Variants in ZNF804B observed in about 807,000 individuals in gnomAD.
The protein encoded by ZNF804B is zinc finger 804B.
ZNF804B carries 80 observed loss-of-function variants against 101.4 expected under a neutral mutation model. The observed-to-expected ratio is 0.79, with a 90% confidence interval of 0.66 to 0.95. ZNF804B has a LOEUF of 0.95. Among genes scored for constraint, ZNF804B ranks in the 40% least tolerant of loss-of-function variants. ZNF804B has a pLI of 0.00. For missense variants in ZNF804B, 1,673 were observed against 1,561.9 expected, an observed-to-expected ratio of 1.07 and a Z score of -1.20; for synonymous variants, 622 against 558.8, an observed-to-expected ratio of 1.11 and a Z score of -1.59.
intron 1 of ZNF804B, among the ~76,000 whole-genome samples, chr7:89,018,476 G>GTTT (rs71120051): frequency 7.3e-5 from 11 of 151,628 alleles, no homozygotes; most frequent in African/African-American, 2.7e-4. Flanking sequence ...TTTTTATGGA[G>GTTT]TTTTTTTGTA....
At chr7:89,013,321 A>C (rs1240226064) in intron 1 of ZNF804B, among the ~76,000 whole-genome samples, 1 of 105,786 alleles carries the variant, frequency 9.5e-6, no homozygotes. Flanking sequence ...AGTACTCACT[A>C]TAAAAAAAAA....
chr7:89,301,186 C>G (rs1790468684), intron 2 of ZNF804B, among the ~76,000 whole-genome samples: 1 of 144,394 alleles, frequency 6.9e-6, no homozygotes, highest in African/African-American at 2.5e-5. Flanking sequence ...TGATAGATAC[C>G]TTAAACTTAC....
At chr7:88,823,387 C>T (rs1291167266) in intron 1 of ZNF804B, among the ~76,000 whole-genome samples, 2 of 152,070 alleles carry the variant, frequency 1.3e-5, no homozygotes, top group African/African-American at 2.4e-5. Flanking sequence ...CCTGAGAATG[C>T]AAGAATATGA....
intron 1 of ZNF804B, among the ~76,000 whole-genome samples, chr7:88,941,833 G>A (rs531211177): frequency 6.6e-6 from 1 of 151,966 alleles, no homozygotes; most frequent in African/African-American, 2.4e-5. Flanking sequence ...TCTTTGATGT[G>A]GCTTTTTGTG....
intron 1 of ZNF804B, among the ~76,000 whole-genome samples, chr7:89,082,668 A>G (rs1789712890): frequency 6.6e-6 from 1 of 151,756 alleles, no homozygotes; most frequent in Middle Eastern, 3.2e-3. Flanking sequence ...AAATCTTACC[A>G]TTATTCTCCT....
chr7:89,135,798 A>G (rs748629304), intron 1 of ZNF804B, among the ~76,000 whole-genome samples: 4 of 149,898 alleles, frequency 2.7e-5, no homozygotes, highest in Non-Finnish European at 5.9e-5. Context: ...CTATTCCTGT[A>G]TAACAGGAAA....
intron 1 of ZNF804B, among the ~76,000 whole-genome samples, chr7:89,196,080 A>G (rs1174905519): frequency 6.6e-6 from 1 of 152,154 alleles, no homozygotes; most frequent in African/African-American, 2.4e-5. Context: ...AACCAAAAAA[A>G]GAGCCTGAAT....
intron 1 of ZNF804B, among the ~76,000 whole-genome samples, chr7:89,160,619 C>T (rs1791044598): frequency 6.6e-6 from 1 of 152,098 alleles, no homozygotes; most frequent in African/African-American, 2.4e-5. Context: ...TGTGAATGAG[C>T]AGACCAAAGC....
intron 1 of ZNF804B, among the ~76,000 whole-genome samples, chr7:89,138,734 C>T (rs140714411): frequency 1.3e-5 from 2 of 151,922 alleles, no homozygotes; most frequent in African/African-American, 4.8e-5. Flanking sequence ...AGGTCTTTCC[C>T]GTGCTGTTCT....
intron 1 of ZNF804B, among the ~76,000 whole-genome samples, chr7:88,868,203 C>T (rs1290365459): frequency 6.6e-6 from 1 of 152,022 alleles, no homozygotes; most frequent in African/African-American, 2.4e-5. Flanking sequence ...CTTCCCTTTA[C>T]TGATAGCCTG....
intron 1 of ZNF804B, among the ~76,000 whole-genome samples, chr7:89,159,354 A>G (rs1791024114): frequency 6.6e-6 from 1 of 152,110 alleles, no homozygotes; most frequent in Non-Finnish European, 1.5e-5. Flanking sequence ...ACCCTGTTAA[A>G]GTGAATTGAG....
chr7:89,044,420 G>C (rs1224258574), intron 1 of ZNF804B, among the ~76,000 whole-genome samples: 1 of 152,162 alleles, frequency 6.6e-6, no homozygotes, highest in Non-Finnish European at 1.5e-5. Flanking sequence ...AGAAAGTGGG[G>C]TGCTGCTGCA....
chr7:89,124,699 C>T (rs567782935), intron 1 of ZNF804B, among the ~76,000 whole-genome samples: 6 of 152,216 alleles, frequency 3.9e-5, no homozygotes, highest in Non-Finnish European at 7.4e-5. Flanking sequence ...ATGTTGTCTG[C>T]AGGTAAATGT....
intron 1 of ZNF804B, among the ~76,000 whole-genome samples, chr7:89,101,227 C>T (rs998744845): frequency 4.0e-5 from 6 of 151,694 alleles, no homozygotes; most frequent in African/African-American, 7.3e-5. Flanking sequence ...ACAGTTCCTC[C>T]GGCAGGCATG....
At chr7:89,310,487 A>T (rs1790635543) in intron 2 of ZNF804B, among the ~76,000 whole-genome samples, 1 of 152,120 alleles carries the variant, frequency 6.6e-6, no homozygotes. Context: ...TCCTGCTTCT[A>T]TTTTAATAGT....
intron 1 of ZNF804B, among the ~76,000 whole-genome samples, chr7:88,871,086 AC>A (rs1791816431): frequency 6.6e-6 from 1 of 152,168 alleles, no homozygotes; most frequent in African/African-American, 2.4e-5. Flanking sequence ...AACAACATAA[AC>A]TGATTTTTTA....
At chr7:88,976,248 A>G (rs903941524) in intron 1 of ZNF804B, among the ~76,000 whole-genome samples, 9 of 151,618 alleles carry the variant, frequency 5.9e-5, no homozygotes, top group Non-Finnish European at 8.9e-5. Flanking sequence ...TTATGGTCCT[A>G]TAACAATTTT....
chr7:88,770,516 T>C (rs959500303), intron 1 of ZNF804B, among the ~76,000 whole-genome samples: 10 of 152,200 alleles, frequency 6.6e-5, no homozygotes, highest in Admixed American at 5.2e-4. Context: ...GTGGAGCTTC[T>C]GACCTAGAGG....
At chr7:88,807,371 T>C (rs1415755844) in intron 1 of ZNF804B, among the ~76,000 whole-genome samples, 1 of 152,188 alleles carries the variant, frequency 6.6e-6, no homozygotes, top group Admixed American at 6.5e-5. Context: ...AAGAATTTTG[T>C]ATGGGTAGGG....
Sources: gnomAD v4.1 joint callset for allele counts (sites outside exome capture counted in the v4.1 genomes callset) on GRCh38, gnomAD v4.1.1 for gene constraint, MANE v1.5 for transcripts, NCBI Gene and HGNC (gene_info 2026-07-23, HGNC 2026-07-21) for gene names.